Variants in PALLD observed in about 807,000 individuals in gnomAD.
PALLD encodes the protein palladin.
A neutral mutation model predicts 123.5 loss-of-function variants in PALLD; 61 were observed. The observed-to-expected ratio is 0.49, with a 90% CI of 0.40 to 0.61. The LOEUF (loss-of-function observed/expected upper bound fraction) is 0.61, where lower values mean the gene tolerates loss of function less well. PALLD is among the 20% of genes least tolerant of loss of function. The pLI, the probability that PALLD is intolerant of heterozygous loss-of-function variation, is 0.00. For synonymous variants in PALLD, 465 were observed against 496.4 expected (o/e 0.94, Z 0.84); for missense variants, 1,273 against 1,377.0 (o/e 0.92, Z 1.20).
chr4:168,810,087 G>A (rs901478869), intron 10 of PALLD, among the ~76,000 whole-genome samples: 12 of 151,736 alleles, frequency 7.9e-5, no homozygotes, highest in African/African-American at 1.9e-4. Context: ...TTGGTGTCTC[G>A]GTGGCTGCTG....
chr4:168,877,846 C>T, intron 10 of PALLD: 1 of 1,360,468 alleles, frequency 7.4e-7, no homozygotes, highest in Non-Finnish European at 9.5e-7. Flanking sequence ...CGCCGCCCGC[C>T]TTCCCCGAGC....
At chr4:168,840,926 C>T (rs1228106388) in intron 10 of PALLD, among the ~76,000 whole-genome samples, 1 of 152,134 alleles carries the variant, frequency 6.6e-6, no homozygotes, top group Non-Finnish European at 1.5e-5. Context: ...TCTCGGCTCA[C>T]TGCAACCTCT....
intron 4 of PALLD, 151 bp downstream of exon 4, chr4:168,681,549 T>C: frequency 1.8e-6 from 1 of 565,624 alleles, no homozygotes; most frequent in Non-Finnish European, 3.2e-6. Context: ...AATTTTTTTT[T>C]TTTTTTTTTT....
At chr4:168,795,282 G>A (rs1738325357) in intron 10 of PALLD, among the ~76,000 whole-genome samples, 1 of 152,118 alleles carries the variant, frequency 6.6e-6, no homozygotes, top group African/African-American at 2.4e-5. Flanking sequence ...CAGTGTTTTT[G>A]GTAACCCACT....
At position 168,555,199 on chromosome 4, in the gene PALLD, T is replaced by C. The variant is rs540382279; in HGVS notation, c.908+42787T>C. On this transcript the variant is annotated intron_variant, in intron 2 of 21. Transcript: ENST00000505667. ...TCCCTGGGGTGTTTTCCCCAGTGAATTGAACTTGTGAATAAGTCCTAAGTG... is the reference window on the plus strand; with the variant it reads ...TCCCTGGGGTGTTTTCCCCAGTGAACTGAACTTGTGAATAAGTCCTAAGTG... Among the ~76,000 whole-genome samples the C allele has an allele frequency of 3.3e-5, 5 of 152,340 alleles. 1 individual carries two copies. The highest frequency in any genetic ancestry group is 1.2e-4 in the African/African-American group (5 of 41,582).
intron 2 of PALLD, among the ~76,000 whole-genome samples, chr4:168,657,423 T>C (rs1225780930): frequency 6.6e-6 from 1 of 152,208 alleles, no homozygotes; most frequent in Non-Finnish European, 1.5e-5. Flanking sequence ...ATTTCACGAA[T>C]AAGGAAACTA....
At position 168,878,111 on chromosome 4, in the gene PALLD, G is replaced by C; in HGVS notation, c.1965-12811G>C. ...CGTGCCGCCCTTCGCGCAGCCCTTC[G>C]GCGCTGAGCCCGAGGCCCCGTGGGG... On this transcript the variant is annotated intron_variant, in intron 10 of 21. Transcript: ENST00000505667. 6.9e-7 allele frequency: 1 copy of C among 1,457,090 alleles called. No individual in the cohort carries two copies. Among genetic ancestry groups the C allele is most frequent in the Non-Finnish European group, 9.0e-7 (1 of 1,112,746 alleles). The allele number at this position is 1,457,090 out of a possible 1,614,324, so 90.3% of individuals were successfully genotyped here.
At chr4:168,767,167 T>C (rs1291115308) in intron 10 of PALLD, among the ~76,000 whole-genome samples, 6 of 152,148 alleles carry the variant, frequency 3.9e-5, no homozygotes, top group Admixed American at 1.3e-4. Flanking sequence ...TCCACAACTA[T>C]CTCTGCCTTT....
At chr4:168,610,828 G>C (rs960570529) in intron 2 of PALLD, among the ~76,000 whole-genome samples, 1 of 152,134 alleles carries the variant, frequency 6.6e-6, no homozygotes, top group Non-Finnish European at 1.5e-5. Flanking sequence ...CCAGCAGCCT[G>C]GTCATTTCTA....
At chr4:168,862,470 A>G (rs1184037759) in intron 10 of PALLD, among the ~76,000 whole-genome samples, 3 of 152,192 alleles carry the variant, frequency 2.0e-5, no homozygotes, top group African/African-American at 7.2e-5. Flanking sequence ...TATTATGACT[A>G]CTGTACTGAT....
chr4:168,755,058 C>T (rs1445729072), intron 10 of PALLD, among the ~76,000 whole-genome samples: 1 of 151,994 alleles, frequency 6.6e-6, no homozygotes, highest in African/African-American at 2.4e-5. Flanking sequence ...CGGTGAAACC[C>T]CGTCTCTACT....
intron 2 of PALLD, among the ~76,000 whole-genome samples, chr4:168,592,379 A>T (rs1342534822): frequency 6.6e-6 from 1 of 152,148 alleles, no homozygotes; most frequent in African/African-American, 2.4e-5. Flanking sequence ...CAACTATATC[A>T]TAGAACATGT....
chr4:168,512,002 C>T lies in PALLD; in HGVS notation c.498C>T (p.Ser166=), dbSNP rs1368342066. The T allele has an allele frequency of 6.2e-7, 1 of 1,614,220 alleles. No homozygotes were observed. The highest frequency in any genetic ancestry group is 1.7e-5 in the Admixed American group (1 of 60,022). The change falls in exon 2 of 22, where the codon AGC becomes AGT. Residue 166 remains serine (S), a synonymous_variant. Transcript: ENST00000505667. ...ATCAAAGAAAGGGTGGCCCCCAGAGCCAGCTGTGTGACAAGGCAGCTAATT... is the reference window on the plus strand; with the variant it reads ...ATCAAAGAAAGGGTGGCCCCCAGAGTCAGCTGTGTGACAAGGCAGCTAATT... ...TPHQRKGGPQ[S]QLCDKAANLI...
Position 168,512,197 on chromosome 4 carries a change from AAG to A in PALLD, c.698_699del (p.Glu233GlyfsTer60). 3 of 1,613,612 alleles carry A rather than the reference AAG, an allele frequency of 1.9e-6. No individual in the cohort carries two copies. The highest frequency in any genetic ancestry group is 2.5e-6 in the Non-Finnish European group (3 of 1,179,686). ...CTATGGAAGACCAAGGGGAGATGGA[AAG>A]AGAGGTCAAGTCCCCTGGGGCCAGG... ...SPMEDQGEME[R>X]EVKSPGARHC... On this transcript the variant is annotated frameshift_variant, in exon 2 of 22. Coordinates refer to ENST00000505667, the MANE Select transcript of PALLD (RefSeq NM_001166108.2). LOFTEE classifies it high-confidence loss of function.
chr4:168,649,115 C>T (rs1777779628), intron 2 of PALLD, among the ~76,000 whole-genome samples: 1 of 152,190 alleles, frequency 6.6e-6, no homozygotes. Flanking sequence ...TAAGCTATTG[C>T]TTGGTTGTTA....
At chr4:168,701,380 A>G (rs1783655448) in intron 8 of PALLD, among the ~76,000 whole-genome samples, 1 of 152,218 alleles carries the variant, frequency 6.6e-6, no homozygotes, top group African/African-American at 2.4e-5. Context: ...AAAATTTTTT[A>G]TTTTATCCTC....
At chr4:168,641,952 C>T (rs985272249) in intron 2 of PALLD, among the ~76,000 whole-genome samples, 3 of 152,170 alleles carry the variant, frequency 2.0e-5, no homozygotes, top group African/African-American at 4.8e-5. Context: ...GAATGGACAG[C>T]GCAATGAATG....
intron 10 of PALLD, among the ~76,000 whole-genome samples, chr4:168,814,177 C>G (rs1159269064): frequency 2.0e-5 from 3 of 152,166 alleles, no homozygotes; most frequent in African/African-American, 4.8e-5. Flanking sequence ...AAGGTTGAGT[C>G]TAAGCCTAAA....
At chr4:168,667,855 G>A (rs369009142) in intron 2 of PALLD, among the ~76,000 whole-genome samples, 4 of 152,242 alleles carry the variant, frequency 2.6e-5, no homozygotes, top group Middle Eastern at 3.4e-3. Flanking sequence ...AGATAAAATT[G>A]TAATAAATGG....
Sources: allele counts gnomAD v4.1 joint callset (sites outside exome capture counted in the v4.1 genomes callset), GRCh38; gene constraint gnomAD v4.1.1; transcripts MANE v1.5; gene names NCBI Gene and HGNC (gene_info 2026-07-23, HGNC 2026-07-21).